The following MCC variants were observed in gnomAD, a reference collection of about 807,000 sequenced individuals.
MCC encodes the protein colorectal mutant cancer protein.
MCC carries 90 observed loss-of-function variants against 116.2 expected under a neutral mutation model. The observed-to-expected ratio is 0.77, with a 90% CI of 0.65 to 0.92. The LOEUF (loss-of-function observed/expected upper bound fraction) is 0.92, where lower values mean the gene tolerates loss of function less well. Among genes scored for constraint, MCC ranks in the 40% least tolerant of loss-of-function variants. The probability of loss-of-function intolerance (pLI) is 0.00; values close to 1 mark genes in which losing one functional copy is unlikely to be tolerated. For synonymous variants in MCC, 578 were observed against 510.5 expected, an observed-to-expected ratio of 1.13 and a Z score of -1.78; for missense variants, 1,516 against 1,312.2, an observed-to-expected ratio of 1.16 and a Z score of -2.40.
chr5:113,263,627 T>C (rs910043362), intron 3 of MCC, among the ~76,000 whole-genome samples: 1 of 152,228 alleles, frequency 6.6e-6, no homozygotes, highest in Non-Finnish European at 1.5e-5. Context: ...GCAATAATTT[T>C]ACTGCAGGAA....
At position 113,046,685 on chromosome 5, in the gene MCC, C is replaced by CAAAAAAAAAAAA. The variant is rs151183145; in HGVS notation, c.2655+2396_2655+2407dup. On this transcript the variant is annotated intron_variant, in intron 16 of 18. Coordinates refer to ENST00000408903, the MANE Select transcript of MCC (RefSeq NM_001085377.2). Reference sequence around the variant, plus strand: ...ACTGACTGCTAACAAACTCAAAAGGCAAAAAAAAAAAAAAAAAAAAAAAAA... The same window carrying CAAAAAAAAAAAA: ...ACTGACTGCTAACAAACTCAAAAGGCAAAAAAAAAAAAAAAAAAAAAAAAAAAAAAAAAAAAA... Among the ~76,000 whole-genome samples, 19 of 58,390 alleles carry CAAAAAAAAAAAA rather than the reference C, an allele frequency of 3.3e-4. 1 individual carries two copies. Among genetic ancestry groups the CAAAAAAAAAAAA allele is most frequent in the African/African-American group, 7.1e-4 (10 of 14,070 alleles). The allele number at this position is 58,390 out of a possible 152,430, so 38.3% of individuals were successfully genotyped here.
At chr5:113,232,692 C>G (rs974645474) in intron 3 of MCC, among the ~76,000 whole-genome samples, 1 of 152,120 alleles carries the variant, frequency 6.6e-6, no homozygotes, top group African/African-American at 2.4e-5. Flanking sequence ...CATTTGAACA[C>G]AAGAATACAG....
intron 1 of MCC, among the ~76,000 whole-genome samples, chr5:113,393,701 T>C (rs1482481109): frequency 2.6e-5 from 4 of 152,226 alleles, no homozygotes; most frequent in Admixed American, 6.5e-5. Context: ...GTATTCCCTA[T>C]GTCCTCATTT....
chr5:113,302,807 A>T (rs184737944), intron 3 of MCC, among the ~76,000 whole-genome samples: 1 of 152,216 alleles, frequency 6.6e-6, no homozygotes, highest in Non-Finnish European at 1.5e-5. Context: ...CAACAAGTTA[A>T]ATCAAGATAA....
At chr5:113,064,704 C>A (rs193111223) in intron 13 of MCC, among the ~76,000 whole-genome samples, 45 of 152,318 alleles carry the variant, frequency 3.0e-4, no homozygotes, top group African/African-American at 1.1e-3. Flanking sequence ...ACCGATGCCA[C>A]CCCTGACCCT....
chr5:113,167,684 G>T (rs1173665004), intron 3 of MCC, among the ~76,000 whole-genome samples: 1 of 152,052 alleles, frequency 6.6e-6, no homozygotes, highest in African/African-American at 2.4e-5. Context: ...ACGCTGGAGT[G>T]CAGTGGCATC....
intron 3 of MCC, among the ~76,000 whole-genome samples, chr5:113,202,758 C>T (rs558149961): frequency 6.7e-6 from 1 of 149,392 alleles, no homozygotes; most frequent in Non-Finnish European, 1.5e-5. Flanking sequence ...CCCCTCAGCC[C>T]CAATGCAGAT....
intron 11 of MCC, among the ~76,000 whole-genome samples, chr5:113,078,654 T>C (rs1581006831): frequency 6.6e-6 from 1 of 152,222 alleles, no homozygotes; most frequent in East Asian, 1.9e-4. Flanking sequence ...TGATGGGACG[T>C]ATCTCAAAAT....
intron 3 of MCC, among the ~76,000 whole-genome samples, chr5:113,207,282 G>C (rs1185752013): frequency 6.6e-6 from 1 of 152,166 alleles, no homozygotes; most frequent in Non-Finnish European, 1.5e-5. Context: ...TCACAGGATT[G>C]TCAGGAGAAT....
chr5:113,368,461 G>A (rs1768756021), intron 2 of MCC, among the ~76,000 whole-genome samples: 3 of 152,070 alleles, frequency 2.0e-5, no homozygotes, highest in African/African-American at 4.8e-5. Context: ...TATCTGAACG[G>A]TGAACATCCT....
At position 113,335,905 on chromosome 5, in the gene MCC, G is replaced by A. The variant is rs537681711; in HGVS notation, c.627+4614C>T. On this transcript the variant is annotated intron_variant, in intron 3 of 18. Coordinates refer to ENST00000408903, the MANE Select transcript of MCC (RefSeq NM_001085377.2). ...TGAAACTTGGTACAGAGTTACTGTC[G>A]TAGTCTGTTTTGTGCTGCTATCACA... 3.6e-4 allele frequency among the ~76,000 whole-genome samples: 55 copies of A among 151,826 alleles called. 1 individual carries two copies. The highest frequency in any genetic ancestry group is 6.8e-3 in the Middle Eastern group (2 of 294).
intron 1 of MCC, among the ~76,000 whole-genome samples, chr5:113,416,032 G>A (rs1034743605): frequency 2.0e-5 from 3 of 152,108 alleles, no homozygotes; most frequent in African/African-American, 7.2e-5. Flanking sequence ...AGGTCCCTAA[G>A]CTGCAGGTCT....
At chr5:113,468,276 G>A (rs1344313144) in intron 1 of MCC, among the ~76,000 whole-genome samples, 2 of 152,144 alleles carry the variant, frequency 1.3e-5, no homozygotes, top group African/African-American at 4.8e-5. Flanking sequence ...CAAAGGGAAT[G>A]CTTCCAGTTT....
chr5:113,274,123 G>A (rs1003208422), intron 3 of MCC, among the ~76,000 whole-genome samples: 1 of 152,182 alleles, frequency 6.6e-6, no homozygotes, highest in African/African-American at 2.4e-5. Context: ...GCCACACAGG[G>A]GATTTACTTC....
At chr5:113,321,193 T>C (rs1430327823) in intron 3 of MCC, among the ~76,000 whole-genome samples, 2 of 152,208 alleles carry the variant, frequency 1.3e-5, no homozygotes, top group African/African-American at 4.8e-5. Context: ...AGAATTTCTG[T>C]TTTTAATTTG....
intron 3 of MCC, chr5:113,269,241 G>A: frequency 1.0e-6 from 1 of 985,164 alleles, no homozygotes; most frequent in Non-Finnish European, 1.2e-6. Flanking sequence ...TCCAGGTGGG[G>A]ACTGGGCCTT....
At chr5:113,198,102 T>A (rs560685730) in intron 3 of MCC, among the ~76,000 whole-genome samples, 2 of 152,370 alleles carry the variant, frequency 1.3e-5, no homozygotes, top group East Asian at 3.9e-4. Flanking sequence ...TTTGTCATAC[T>A]ATGTATAAGT....
At position 113,085,320 on chromosome 5, in the gene MCC, T is replaced by C; in HGVS notation, c.1399-10A>G. 6.2e-7 allele frequency: 1 copy of C among 1,604,208 alleles called. No individual in the cohort carries two copies. Among genetic ancestry groups the C allele is most frequent in the Non-Finnish European group, 8.5e-7 (1 of 1,173,416 alleles). On this transcript the variant is annotated splice_polypyrimidine_tract_variant and intron_variant, in intron 8 of 18. Transcript: ENST00000408903. ...TTTGAAGCTCTCTGACCTGAAATCA[T>C]AATGCTTTTAGACATAGTTGGTGGT... is the stretch of plus-strand genomic sequence containing the variant.
intron 11 of MCC, among the ~76,000 whole-genome samples, chr5:113,072,250 A>G (rs188171851): frequency 1.1e-3 from 175 of 152,358 alleles, no homozygotes; most frequent in Admixed American, 2.6e-3. Flanking sequence ...CTCAAGCCTT[A>G]GAGCAGAATA....
Sources: gnomAD v4.1 joint callset for allele counts (sites outside exome capture counted in the v4.1 genomes callset) on GRCh38, gnomAD v4.1.1 for gene constraint, MANE v1.5 for transcripts, NCBI Gene and HGNC (gene_info 2026-07-23, HGNC 2026-07-21) for gene names.